TC2N: variants seen among roughly 807,000 people sequenced by gnomAD.
TC2N encodes the protein tandem C2 domains, nuclear, also known as tandem C2 domains nuclear protein.
A neutral mutation model predicts 61.9 loss-of-function variants in TC2N; 51 were observed. The ratio of observed to expected loss-of-function variants is 0.82; its 90% CI spans 0.66 to 1.04. The LOEUF (loss-of-function observed/expected upper bound fraction) is 1.04, where lower values mean the gene tolerates loss of function less well. Ranked by LOEUF, TC2N falls within the 50% of genes least tolerant of loss-of-function variation. TC2N has a pLI of 0.00. For missense variants in TC2N, 556 were observed against 566.7 expected (o/e 0.98, Z 0.19); for synonymous variants, 204 against 192.6 (o/e 1.06, Z -0.49).
At chr14:91,831,523 A>C (rs1887769426) in intron 1 of TC2N, among the ~76,000 whole-genome samples, 1 of 152,242 alleles carries the variant, frequency 6.6e-6, no homozygotes, top group Admixed American at 6.5e-5. Context: ...GTGGTAAGAT[A>C]CATAAACAGA....
intron 3 of TC2N, among the ~76,000 whole-genome samples, chr14:91,807,192 C>A (rs1886549306): frequency 6.6e-6 from 1 of 152,204 alleles, no homozygotes; most frequent in Admixed American, 6.5e-5. Context: ...AGAGGTGGGG[C>A]CCTCATGGAG....
At chr14:91,799,558 C>A (rs1886115374) in intron 5 of TC2N, among the ~76,000 whole-genome samples, 1 of 151,998 alleles carries the variant, frequency 6.6e-6, no homozygotes. Context: ...TTAACAAGCT[C>A]TCCAAACAAT....
Position 91,798,405 on chromosome 14 carries a change from T to A in TC2N, c.638-6A>T. On this transcript the variant is annotated splice_region_variant and splice_polypyrimidine_tract_variant and intron_variant, in intron 6 of 11. Coordinates refer to ENST00000435962, the MANE Select transcript of TC2N (RefSeq NM_001128596.3). Reference sequence around the variant, plus strand: ...TCCTGATAGAGTAATTGTATCTGAATTATAAAAGGACAAAGATGTTTCAAA... The same window carrying A: ...TCCTGATAGAGTAATTGTATCTGAAATATAAAAGGACAAAGATGTTTCAAA... The A allele has an allele frequency of 6.8e-7, 1 of 1,464,136 alleles. No individual in the cohort carries two copies. The highest frequency in any genetic ancestry group is 1.7e-4 in the Middle Eastern group (1 of 5,784). The allele number at this position is 1,464,136 out of a possible 1,614,324, so 90.7% of individuals were successfully genotyped here.
Position 91,798,999 on chromosome 14 carries a change from G to C in TC2N, c.627C>G (p.Asn209Lys). Residue 209 changes from asparagine (N) to lysine (K), a missense_variant, in exon 6 of 12, where the codon AAC becomes AAG. Transcript: ENST00000435962. ...SSSRKNSQGS[N>K]RSLDTITLSG... ...TACTTTATTCCTTACCCAGGCTTCT[G>C]TTACTCCCCTGAGAATTTTTCCTTG... 6.3e-7 allele frequency: 1 copy of C among 1,596,384 alleles called. No homozygotes were observed. Among genetic ancestry groups the C allele is most frequent in the Non-Finnish European group, 8.5e-7 (1 of 1,169,606 alleles).
chr14:91,786,886 C>G lies in TC2N; in HGVS notation c.1162+627G>C, dbSNP rs536707449. Among the ~76,000 whole-genome samples, 18 of 152,260 alleles carry G rather than the reference C, an allele frequency of 1.2e-4. No individual in the cohort carries two copies. The South Asian group carries it at 3.7e-3, about 32-fold the overall frequency. On this transcript the variant is annotated intron_variant, in intron 10 of 11. Transcript: ENST00000435962. Reference sequence around the variant, plus strand: ...TCAACTTTAGCTTTAATACCTTACTCTAATTTCTTTGGGTTTGTTGTTTTT... The same window carrying G: ...TCAACTTTAGCTTTAATACCTTACTGTAATTTCTTTGGGTTTGTTGTTTTT...
At chr14:91,849,446 G>A (rs909781686) in intron 1 of TC2N, among the ~76,000 whole-genome samples, 4 of 152,200 alleles carry the variant, frequency 2.6e-5, no homozygotes, top group Non-Finnish European at 2.9e-5. Context: ...GATAAGAGAT[G>A]GTGAAGGATT....
intron 5 of TC2N, among the ~76,000 whole-genome samples, chr14:91,799,577 G>T (rs559831654): frequency 6.6e-6 from 1 of 152,134 alleles, no homozygotes; most frequent in South Asian, 2.1e-4. Context: ...ATTCTGATGT[G>T]TGTTAAACAA....
At chr14:91,846,686 T>C (rs1888277074) in intron 1 of TC2N, among the ~76,000 whole-genome samples, 1 of 152,240 alleles carries the variant, frequency 6.6e-6, no homozygotes, top group African/African-American at 2.4e-5. Context: ...TCTTCTGCTA[T>C]TATTGTGGTA....
intron 1 of TC2N, among the ~76,000 whole-genome samples, chr14:91,858,904 A>C (rs1051295050): frequency 4.6e-5 from 7 of 152,330 alleles, no homozygotes; most frequent in African/African-American, 1.7e-4. Context: ...ACTCGCCAGC[A>C]TAGTTTCTGA....
chr14:91,786,789 T>C (rs1885385382), intron 10 of TC2N, among the ~76,000 whole-genome samples: 1 of 152,238 alleles, frequency 6.6e-6, no homozygotes, highest in South Asian at 2.1e-4. Flanking sequence ...TCTATTTTAA[T>C]GATTCTTTCA....
At chr14:91,796,766 T>TA (rs1241846316) in intron 8 of TC2N, among the ~76,000 whole-genome samples, 2 of 152,090 alleles carry the variant, frequency 1.3e-5, no homozygotes, top group Non-Finnish European at 2.9e-5. Context: ...GCTGACATTT[T>TA]AATTTTGGAC....
chr14:91,855,607 A>C (rs1196724682), intron 1 of TC2N, among the ~76,000 whole-genome samples: 2 of 152,242 alleles, frequency 1.3e-5, no homozygotes, highest in East Asian at 3.8e-4. Context: ...TTACATGTGC[A>C]AAGATCCTGT....
rs117068109 is a variant in TC2N, at chr14:91,866,311, C to T, written c.-57+951G>A. Reference sequence around the variant, plus strand: ...TAACACCCCAAGGGCCAAGACTTACCTAAGAAAGTGTCTGAAGTATGTTAC... The same window carrying T: ...TAACACCCCAAGGGCCAAGACTTACTTAAGAAAGTGTCTGAAGTATGTTAC... On this transcript the variant is annotated intron_variant, in intron 1 of 11. Coordinates refer to ENST00000435962, the MANE Select transcript of TC2N (RefSeq NM_001128596.3). 3.4e-4 allele frequency: 52 copies of T among 152,248 alleles called. 1 individual carries two copies. The East Asian group carries it at 9.3e-3, about 27-fold the overall frequency. 9.4% of individuals were successfully genotyped at this position (152,248 alleles called of 1,614,324 possible).
intron 1 of TC2N, among the ~76,000 whole-genome samples, chr14:91,833,944 A>C (rs190916964): frequency 4.4e-4 from 67 of 152,324 alleles, no homozygotes; most frequent in African/African-American, 1.4e-3. Flanking sequence ...TCAAACTTTC[A>C]ACGAAGACTG....
chr14:91,793,801 C>A (rs1325194588), intron 8 of TC2N, among the ~76,000 whole-genome samples: 1 of 152,082 alleles, frequency 6.6e-6, no homozygotes, highest in Non-Finnish European at 1.5e-5. Flanking sequence ...AATTAATAAC[C>A]CTAAAATGCC....
At chr14:91,798,460 C>T (rs1034797411) in intron 6 of TC2N, 61 bp from the exon 7 acceptor site, 4 of 889,960 alleles carry the variant, frequency 4.5e-6, no homozygotes, top group Non-Finnish European at 7.2e-6. Flanking sequence ...CCCAATTAAG[C>T]TTTGACACAA....
intron 1 of TC2N, among the ~76,000 whole-genome samples, chr14:91,823,444 C>T (rs752782757): frequency 3.3e-5 from 5 of 151,096 alleles, no homozygotes; most frequent in East Asian, 2.0e-4. Context: ...CACTTGAACC[C>T]GGGAGGCGGA....
intron 4 of TC2N, among the ~76,000 whole-genome samples, chr14:91,801,664 G>T (rs756785386): frequency 2.0e-5 from 3 of 152,190 alleles, no homozygotes; most frequent in Non-Finnish European, 4.4e-5. Flanking sequence ...AACAAAGTGA[G>T]ACTCTGTCTC....
intron 1 of TC2N, among the ~76,000 whole-genome samples, chr14:91,822,950 C>T (rs1171574535): frequency 4.6e-5 from 7 of 151,506 alleles, no homozygotes; most frequent in Non-Finnish European, 1.0e-4. Flanking sequence ...CTCCTGACCT[C>T]GTGATCCGCC....
Sources: allele counts gnomAD v4.1 joint callset (sites outside exome capture counted in the v4.1 genomes callset), GRCh38; gene constraint gnomAD v4.1.1; transcripts MANE v1.5; gene names NCBI Gene and HGNC (gene_info 2026-07-23, HGNC 2026-07-21).